The following RPA1 variants were observed in gnomAD, a reference collection of about 807,000 sequenced individuals.
The protein encoded by RPA1 is replication protein A 70 kDa DNA-binding subunit.
A neutral mutation model predicts 83.0 loss-of-function variants in RPA1; 49 were observed. That is an observed-to-expected ratio of 0.59 (90% CI 0.47 to 0.75). The LOEUF is 0.75. Among genes scored for constraint, RPA1 ranks in the 30% least tolerant of loss-of-function variants. RPA1 has a pLI of 0.00. For synonymous variants in RPA1, 279 were observed against 281.8 expected (o/e 0.99, Z 0.10); for missense variants, 693 against 776.1 (o/e 0.89, Z 1.27).
chr17:1,883,733 C>T (rs1001059914), intron 12 of RPA1, 79 bp from the exon 13 acceptor site: 15 of 1,591,166 alleles, frequency 9.4e-6, no homozygotes, highest in Admixed American at 3.4e-5. Context: ...GTGTCTGTCG[C>T]GTAGCAGCAA....
Position 1,872,540 on chromosome 17 carries a change from CG to C in RPA1, c.454+18del, listed in dbSNP as rs762691927. 3 of 1,612,654 alleles carry C rather than the reference CG, an allele frequency of 1.9e-6. No individual in the cohort carries two copies. The highest frequency in any genetic ancestry group is 3.3e-5 in the Admixed American group (2 of 59,870). On this transcript the variant is annotated intron_variant, in intron 6 of 16. Transcript: ENST00000254719. ...GCTCGGGAATGGGTGAGATGCCTCACGGGGCGTGCGCTGACCAGGGGTGTCA... is the reference window on the plus strand; with the variant it reads ...GCTCGGGAATGGGTGAGATGCCTCACGGGCGTGCGCTGACCAGGGGTGTCA...
At chr17:1,852,903 T>G (rs1449339262) in intron 4 of RPA1, among the ~76,000 whole-genome samples, 198 bp from the exon 5 acceptor site, 1 of 152,212 alleles carries the variant, frequency 6.6e-6, no homozygotes, top group Non-Finnish European at 1.5e-5. Context: ...GCATTTTAAT[T>G]AAGGAACTAG....
At chr17:1,872,413 G>C (rs1913406456) in intron 5 of RPA1, 21 bp from the exon 6 acceptor site, 2 of 1,612,390 alleles carry the variant, frequency 1.2e-6, no homozygotes, top group South Asian at 2.2e-5. Context: ...ACTAAAACGG[G>C]GTTTCCCTTT....
intron 15 of RPA1, among the ~76,000 whole-genome samples, chr17:1,894,710 C>G (rs975390325): frequency 2.6e-5 from 4 of 152,198 alleles, no homozygotes; most frequent in African/African-American, 7.2e-5. Flanking sequence ...TGGAGACACA[C>G]TGTTCATGGG....
Position 1,884,062 on chromosome 17 carries a change from C to A in RPA1, c.1374+118C>A. The A allele has an allele frequency of 1.4e-6, 2 of 1,391,862 alleles. No individual in the cohort carries two copies. The highest frequency in any genetic ancestry group is 1.3e-5 in the South Asian group (1 of 76,402). 86.2% of individuals were successfully genotyped at this position (1,391,862 alleles called of 1,614,324 possible). Reference sequence around the variant, plus strand: ...CCGTAATTCTTACCCGGGGCTGTGACCTGAGCGTGGCATGGGGGTTGAGAA... The same window carrying A: ...CCGTAATTCTTACCCGGGGCTGTGAACTGAGCGTGGCATGGGGGTTGAGAA... On this transcript the variant is annotated intron_variant, in intron 13 of 16. Coordinates refer to ENST00000254719, the MANE Select transcript of RPA1 (RefSeq NM_002945.5). This position sits in a 1 kb window ranked among gnomAD's most constrained non-coding sequence, Gnocchi z 4.1.
At chr17:1,849,369 T>G (rs1295608799) in intron 4 of RPA1, among the ~76,000 whole-genome samples, 2 of 146,300 alleles carry the variant, frequency 1.4e-5, no homozygotes, top group Admixed American at 1.4e-4. Flanking sequence ...CTCGGCTCAC[T>G]GCAAGCTCCG....
At chr17:1,832,855 A>G (rs1161780669) in intron 1 of RPA1, among the ~76,000 whole-genome samples, 1 of 152,172 alleles carries the variant, frequency 6.6e-6, no homozygotes, top group Non-Finnish European at 1.5e-5. Context: ...TGTTTATGTT[A>G]CCTATTAATA....
chr17:1,880,903 C>T (rs952493906), intron 12 of RPA1, among the ~76,000 whole-genome samples: 13 of 152,176 alleles, frequency 8.5e-5, no homozygotes, highest in African/African-American at 2.7e-4. Context: ...CCTAGAGAGT[C>T]GGAGGAGGCA....
intron 1 of RPA1, among the ~76,000 whole-genome samples, chr17:1,834,756 C>G (rs1298600610): frequency 1.3e-5 from 2 of 152,168 alleles, no homozygotes; most frequent in Non-Finnish European, 2.9e-5. Context: ...AGCTATTATA[C>G]TCCCATTTTA....
At chr17:1,854,094 C>T (rs1472035470) in intron 5 of RPA1, 1 of 151,910 alleles carries the variant, frequency 6.6e-6, no homozygotes, top group East Asian at 1.9e-4. Flanking sequence ...TATAGAAAAG[C>T]ACATTGAAAT....
chr17:1,879,069 C>A lies in RPA1; in HGVS notation c.759+8C>A, dbSNP rs752821992. The A allele has an allele frequency of 3.1e-6, 5 of 1,614,062 alleles. No individual in the cohort carries two copies. The highest frequency in any genetic ancestry group is 4.2e-6 in the Non-Finnish European group (5 of 1,179,976). ...CTTATTGAAGTGAACAAGGTATGGCCGTGCTGACTTTAGAACTGACACCGC... is the reference window on the plus strand; with the variant it reads ...CTTATTGAAGTGAACAAGGTATGGCAGTGCTGACTTTAGAACTGACACCGC... On this transcript the variant is annotated splice_region_variant and intron_variant, in intron 9 of 16. Coordinates refer to ENST00000254719, the MANE Select transcript of RPA1 (RefSeq NM_002945.5).
At chr17:1,874,297 C>T (rs1254338295) in intron 6 of RPA1, among the ~76,000 whole-genome samples, 1 of 152,052 alleles carries the variant, frequency 6.6e-6, no homozygotes, top group Non-Finnish European at 1.5e-5. Flanking sequence ...TTGAGCCCAG[C>T]AGTTTGACAC....
intron 13 of RPA1, among the ~76,000 whole-genome samples, chr17:1,887,078 C>A (rs1391515534): frequency 2.6e-5 from 4 of 152,162 alleles, no homozygotes; most frequent in Admixed American, 2.0e-4. Context: ...TCTATCTAGA[C>A]CACTACAGCT....
intron 5 of RPA1, among the ~76,000 whole-genome samples, chr17:1,867,265 C>T (rs1913210578): frequency 1.3e-5 from 2 of 152,172 alleles, no homozygotes; most frequent in Admixed American, 1.3e-4. Flanking sequence ...TTTCTGAAAC[C>T]TTTGGATGCA....
intron 1 of RPA1, among the ~76,000 whole-genome samples, chr17:1,833,461 A>G (rs1238041628): frequency 1.3e-5 from 2 of 152,240 alleles, no homozygotes; most frequent in Non-Finnish European, 2.9e-5. Context: ...GAATATTTAA[A>G]TAAATTAGGA....
chr17:1,884,854 T>G lies in RPA1; in HGVS notation c.1374+910T>G, dbSNP rs1039222550. 6.6e-6 allele frequency among the ~76,000 whole-genome samples: 1 copy of G among 152,190 alleles called. No homozygotes were observed. Among genetic ancestry groups the G allele is most frequent in the Non-Finnish European group, 1.5e-5 (1 of 68,032 alleles). ...CCCTTCTCTTGAAACAAAAACTTTA[T>G]TGCTGAAAAATGCTGACAATCATCT... On this transcript the variant is annotated intron_variant, in intron 13 of 16. Transcript: ENST00000254719. The surrounding 1 kb of genome is among the most constrained non-coding windows in gnomAD (Gnocchi z 4.1).
chr17:1,836,902 A>G (rs1013411215), intron 1 of RPA1, among the ~76,000 whole-genome samples: 1 of 151,222 alleles, frequency 6.6e-6, no homozygotes, highest in African/African-American at 2.4e-5. Flanking sequence ...CAGTGGCGCA[A>G]TCTCAGCTCA....
Position 1,893,143 on chromosome 17 carries a change from C to T in RPA1, c.1659+1203C>T, listed in dbSNP as rs571044609. 8.6e-4 allele frequency among the ~76,000 whole-genome samples: 131 copies of T among 152,316 alleles called. 1 individual carries two copies. Among genetic ancestry groups the T allele is most frequent in the African/African-American group, 2.9e-3 (122 of 41,560 alleles). On this transcript the variant is annotated intron_variant, in intron 15 of 16. Coordinates refer to ENST00000254719, the MANE Select transcript of RPA1 (RefSeq NM_002945.5). ...GCTCTCAAAATAGTCTCAACAAATC[C>T]TGTTACAGAAATAACTAGAATTGAC...
chr17:1,835,703 A>G (rs1170036523), intron 1 of RPA1, among the ~76,000 whole-genome samples: 1 of 152,188 alleles, frequency 6.6e-6, no homozygotes, highest in Non-Finnish European at 1.5e-5. Context: ...ACAAGTTAGT[A>G]TGAGTTTATT....
Sources: allele counts gnomAD v4.1 joint callset (sites outside exome capture counted in the v4.1 genomes callset), GRCh38; gene constraint gnomAD v4.1.1; non-coding constraint Gnocchi (gnomAD v3.1); transcripts MANE v1.5; gene names NCBI Gene and HGNC (gene_info 2026-07-23, HGNC 2026-07-21).